TNFSF11: variants seen among roughly 807,000 people sequenced by gnomAD.
TNFSF11 encodes tumor necrosis factor ligand superfamily member 11.
In TNFSF11, 12 loss-of-function variants were observed where a neutral mutation model predicts 32.2. The observed-to-expected ratio is 0.37, with a 90% CI of 0.24 to 0.60. The LOEUF (loss-of-function observed/expected upper bound fraction) is 0.60, where lower values mean the gene tolerates loss of function less well. Ranked by LOEUF, TNFSF11 falls within the 20% of genes least tolerant of loss-of-function variation. TNFSF11 has a pLI of 0.66. For missense variants in TNFSF11, 345 were observed against 398.0 expected (o/e 0.87, Z 1.13); for synonymous variants, 172 against 152.1 (o/e 1.13, Z -0.96).
Position 42,574,505 on chromosome 13 carries a change from T to C in TNFSF11, c.202T>C (p.Phe68Leu), listed in dbSNP as rs1873210415. ...GGTTGTCTGCAGCGTCGCCCTGTTC[T>C]TCTATTTCAGAGCGCAGGTGAGTGG... ...GQVVCSVALF[F>L]YFRAQMDPNR... The change falls in exon 1 of 5, where the codon TTC (phenylalanine) becomes CTC (leucine). Residue 68 changes from phenylalanine (F) to leucine (L), a missense_variant. Physicochemically the swap from Phe to Leu is conservative, Grantham distance 22. Transcript: ENST00000398795. 1 of 1,608,702 alleles carries C rather than the reference T, an allele frequency of 6.2e-7. No homozygotes were observed. Among genetic ancestry groups the C allele is most frequent in the Non-Finnish European group, 8.5e-7 (1 of 1,179,832 alleles).
At chr13:42,599,406 C>T (rs1391750612) in intron 2 of TNFSF11, among the ~76,000 whole-genome samples, 2 of 149,562 alleles carry the variant, frequency 1.3e-5, no homozygotes, top group East Asian at 3.9e-4. Context: ...AAGCCCTCCT[C>T]TCTAGACACT....
rs1456892614 is a variant in TNFSF11 at position 42,574,501 on chromosome 13, G to T, written c.198G>T (p.Leu66=). The change falls in exon 1 of 5, where the codon CTG becomes CTT. Residue 66 remains leucine (L), a synonymous_variant. Transcript: ENST00000398795. ...GLGQVVCSVA[L]FFYFRAQMDP... The stretch of plus-strand genomic sequence containing the variant: ...GCCAGGTTGTCTGCAGCGTCGCCCT[G>T]TTCTTCTATTTCAGAGCGCAGGTGA... The T allele has an allele frequency of 1.9e-6, 3 of 1,608,836 alleles. No homozygotes were observed. Among genetic ancestry groups the T allele is most frequent in the East Asian group, 2.2e-5 (1 of 44,878 alleles).
chr13:42,574,558 AGC>A, intron 1 of TNFSF11, 36 bp downstream of exon 1: 1 of 1,593,112 alleles, frequency 6.3e-7, no homozygotes, highest in Non-Finnish European at 8.5e-7. Flanking sequence ...CGCGGCTGAG[AGC>A]GCCCATCTCC....
intron 2 of TNFSF11, among the ~76,000 whole-genome samples, chr13:42,592,488 C>G (rs573855940): frequency 2.0e-5 from 3 of 152,334 alleles, no homozygotes; most frequent in African/African-American, 7.2e-5. Context: ...GCCTCCTTGC[C>G]TCTCAGGGCA....
intron 2 of TNFSF11, among the ~76,000 whole-genome samples, chr13:42,588,654 G>A (rs1874017024): frequency 6.6e-6 from 1 of 152,162 alleles, no homozygotes; most frequent in Non-Finnish European, 1.5e-5. Context: ...TGGATCTTAA[G>A]ACTCAGTTGG....
chr13:42,606,310 G>A (rs1253766615), intron 4 of TNFSF11, among the ~76,000 whole-genome samples, 187 bp from the exon 5 acceptor site: 1 of 152,188 alleles, frequency 6.6e-6, no homozygotes, highest in Non-Finnish European at 1.5e-5. Flanking sequence ...CCTCTACTGT[G>A]CCTAACAGAA....
chr13:42,604,383 T>C (rs757351539), intron 4 of TNFSF11, among the ~76,000 whole-genome samples: 1 of 152,166 alleles, frequency 6.6e-6, no homozygotes, highest in Non-Finnish European at 1.5e-5. Context: ...AAATAAGACC[T>C]CCGATGAAAA....
rs370900248 is a variant in TNFSF11, at chr13:42,600,778, G to A, written c.414G>A (p.Gln138=). The change falls in exon 3 of 5, where the codon CAG becomes CAA. Residue 138 remains glutamine, a synonymous_variant. Coordinates refer to ENST00000398795, the MANE Select transcript of TNFSF11 (RefSeq NM_003701.4). ...AATTACAACATATCGTTGGATCACA[G>A]CACATCAGAGCAGAGAAAGGTAAGC... ...QKELQHIVGS[Q]HIRAEKAMVD... 1.2e-6 allele frequency: 2 copies of A among 1,614,006 alleles called. No individual in the cohort carries two copies. Among genetic ancestry groups the A allele is most frequent in the Non-Finnish European group, 1.7e-6 (2 of 1,179,972 alleles).
chr13:42,594,415 A>C (rs566373768), intron 2 of TNFSF11, among the ~76,000 whole-genome samples: 3 of 152,098 alleles, frequency 2.0e-5, no homozygotes, highest in African/African-American at 7.2e-5. Context: ...GAAAAAAAAA[A>C]CACTGTAGTA....
intron 2 of TNFSF11, among the ~76,000 whole-genome samples, chr13:42,582,715 T>G (rs1873677602): frequency 1.3e-5 from 2 of 152,258 alleles, no homozygotes; most frequent in Admixed American, 1.3e-4. Context: ...AATTCAGTGA[T>G]CCTTAATGTT....
chr13:42,574,351 G>A lies in TNFSF11; in HGVS notation c.48G>A (p.Glu16=). 6.5e-7 allele frequency: 1 copy of A among 1,543,182 alleles called. No individual in the cohort carries two copies. Among genetic ancestry groups the A allele is most frequent in the Non-Finnish European group, 8.7e-7 (1 of 1,145,224 alleles). Residue 16 remains glutamate (E), a synonymous_variant, in exon 1 of 5, where the codon GAG becomes GAA. Coordinates refer to ENST00000398795, the MANE Select transcript of TNFSF11 (RefSeq NM_003701.4). ...ACACCAAGTACCTGCGTGGCTCGGA[G>A]GAGATGGGCGGCGGCCCCGGAGCCC... ...RDYTKYLRGS[E]EMGGGPGAPH...
intron 2 of TNFSF11, among the ~76,000 whole-genome samples, chr13:42,584,290 T>G (rs1159362562): frequency 3.3e-5 from 5 of 152,222 alleles, no homozygotes; most frequent in African/African-American, 1.2e-4. Context: ...CAACATTACT[T>G]TAAATAAGTG....
chr13:42,592,252 A>G (rs954486675), intron 2 of TNFSF11, among the ~76,000 whole-genome samples: 2 of 152,218 alleles, frequency 1.3e-5, no homozygotes. Context: ...CCCACTTCAG[A>G]TGCCATTCAC....
Position 42,606,992 on chromosome 13 carries a change from ATATAGGTGTG to A in TNFSF11, c.*76_*85del. 6.3e-7 allele frequency: 1 copy of A among 1,594,776 alleles called. No homozygotes were observed. The highest frequency in any genetic ancestry group is 8.6e-7 in the Non-Finnish European group (1 of 1,165,830). On this transcript the variant is annotated 3_prime_UTR_variant, in exon 5 of 5. Transcript: ENST00000398795. The stretch of plus-strand genomic sequence containing the variant: ...TTTTAAAACAAGCCAAGAAAGATGT[ATATAGGTGTG>A]TGAGACTACTAAGAGGCATGGCCCC...
intron 1 of TNFSF11, among the ~76,000 whole-genome samples, chr13:42,564,327 G>A (rs563175986): frequency 7.0e-4 from 107 of 152,196 alleles, no homozygotes; most frequent in Non-Finnish European, 1.3e-3. Context: ...CAGCACTTTG[G>A]GAGGCCAAGG....
upstream of TNFSF11, among the ~76,000 whole-genome samples, chr13:42,573,454 A>G (rs910724690): frequency 6.6e-6 from 1 of 152,202 alleles, no homozygotes; most frequent in African/African-American, 2.4e-5. Context: ...GCTTCGTGTT[A>G]CATCTCTTTC....
chr13:42,602,462 G>A (rs9566994), intron 4 of TNFSF11, among the ~76,000 whole-genome samples: 2,111 of 152,312 alleles, frequency 0.014, 16 homozygotes, highest in South Asian at 0.046. Context: ...GGAAAACTTT[G>A]TTACGGCATG....
At chr13:42,600,654 A>G in intron 2 of TNFSF11, 98 bp from the exon 3 acceptor site, 1 of 1,301,214 alleles carries the variant, frequency 7.7e-7, no homozygotes, top group Non-Finnish European at 1.1e-6. Flanking sequence ...TGGAAGGAAA[A>G]GAGGGTTAAT....
chr13:42,599,498 GA>G (rs1249576362), intron 2 of TNFSF11, among the ~76,000 whole-genome samples: 1 of 152,058 alleles, frequency 6.6e-6, no homozygotes, highest in African/African-American at 2.4e-5. Flanking sequence ...AGTAACAGGG[GA>G]AATTAGGAAT....
Sources: allele counts gnomAD v4.1 joint callset (sites outside exome capture counted in the v4.1 genomes callset), GRCh38; gene constraint gnomAD v4.1.1; transcripts MANE v1.5; gene names NCBI Gene and HGNC (gene_info 2026-07-23, HGNC 2026-07-21).